The following TNRC6B variants were observed in gnomAD, a reference collection of about 807,000 sequenced individuals.
TNRC6B encodes the protein trinucleotide repeat containing adaptor 6B, also known as trinucleotide repeat-containing gene 6B protein.
TNRC6B carries 52 observed loss-of-function variants against 203.6 expected under a neutral mutation model. That is an observed-to-expected ratio of 0.26 (90% CI 0.20 to 0.32). The LOEUF (loss-of-function observed/expected upper bound fraction) is 0.32, where lower values mean the gene tolerates loss of function less well. TNRC6B is among the 10% of genes least tolerant of loss of function. TNRC6B has a pLI of 1.00. For synonymous variants in TNRC6B, 838 were observed against 845.7 expected, an observed-to-expected ratio of 0.99 and a Z score of 0.16; for missense variants, 1,923 against 2,286.2, an observed-to-expected ratio of 0.84 and a Z score of 3.24.
intron 1 of TNRC6B, among the ~76,000 whole-genome samples, chr22:40,189,298 A>G (rs9611287): frequency 6.6e-6 from 1 of 152,156 alleles, no homozygotes; most frequent in African/African-American, 2.4e-5. Flanking sequence ...AGTGGGAAAC[A>G]CCTTTGTAGC....
At chr22:40,299,782 A>T (rs939743092) in intron 12 of TNRC6B, among the ~76,000 whole-genome samples, 1 of 152,188 alleles carries the variant, frequency 6.6e-6, no homozygotes, top group African/African-American at 2.4e-5. Flanking sequence ...TCAGTAGATG[A>T]GGGTGCAGGG....
chr22:40,281,318 C>A, intron 11 of TNRC6B, 29 bp downstream of exon 11: 1 of 1,518,724 alleles, frequency 6.6e-7, no homozygotes. Context: ...TTTATAACTG[C>A]TTGGCTATGG....
chr22:40,119,740 A>G (rs969553105), intron 2 of TNRC6B, among the ~76,000 whole-genome samples: 2 of 152,024 alleles, frequency 1.3e-5, no homozygotes, highest in Non-Finnish European at 2.9e-5. Flanking sequence ...CTTTTTTGTG[A>G]CTCTGTTAGC....
At chr22:40,170,732 TG>T (rs1239677284) in intron 4 of TNRC6B, among the ~76,000 whole-genome samples, 1 of 135,690 alleles carries the variant, frequency 7.4e-6, no homozygotes, top group Non-Finnish European at 1.6e-5. Context: ...CATATATAGG[TG>T]TATATATCTA....
chr22:40,214,413 T>C (rs1251628707), intron 1 of TNRC6B, among the ~76,000 whole-genome samples: 1 of 152,178 alleles, frequency 6.6e-6, no homozygotes, highest in Non-Finnish European at 1.5e-5. Flanking sequence ...GAAATCTGAA[T>C]AAGGTTGGTA....
intron 1 of TNRC6B, among the ~76,000 whole-genome samples, chr22:40,189,498 C>CAAAAAAAAAA (rs56029573): frequency 3.6e-5 from 4 of 112,280 alleles, no homozygotes; most frequent in African/African-American, 1.1e-4. Flanking sequence ...TTTGTCTGCC[C>CAAAAAAAAAA]AAAAAAAAAA....
intron 20 of TNRC6B, 92 bp downstream of exon 20, chr22:40,315,599 G>T: frequency 1.5e-6 from 2 of 1,364,128 alleles, no homozygotes; most frequent in Non-Finnish European, 2.0e-6. Context: ...GTCTTCCCAA[G>T]AGAGGAAGTC....
At chr22:40,282,885 G>A (rs1456083165) in intron 11 of TNRC6B, among the ~76,000 whole-genome samples, 1 of 152,104 alleles carries the variant, frequency 6.6e-6, no homozygotes, top group Non-Finnish European at 1.5e-5. Context: ...GAGTTAAACA[G>A]TATAGTTGAA....
At chr22:40,221,496 G>A (rs1476864576) in intron 1 of TNRC6B, among the ~76,000 whole-genome samples, 1 of 152,142 alleles carries the variant, frequency 6.6e-6, no homozygotes, top group African/African-American at 2.4e-5. Context: ...CTGGAGTGTG[G>A]TGGCACAATC....
intron 1 of TNRC6B, among the ~76,000 whole-genome samples, chr22:40,245,305 G>A (rs1192569930): frequency 1.3e-5 from 2 of 151,888 alleles, no homozygotes; most frequent in African/African-American, 4.8e-5. Context: ...TGACCAGGCT[G>A]GTCTCGAACT....
chr22:40,113,234 C>T (rs541489228), intron 1 of TNRC6B, among the ~76,000 whole-genome samples: 14 of 152,324 alleles, frequency 9.2e-5, no homozygotes, highest in Middle Eastern at 3.4e-3. Flanking sequence ...ACTTCCAAAG[C>T]GTTGAAGTGA....
chr22:40,057,535 C>T (rs939966055), intron 1 of TNRC6B, among the ~76,000 whole-genome samples: 12 of 152,064 alleles, frequency 7.9e-5, no homozygotes, highest in African/African-American at 1.9e-4. Context: ...TCAGGTGATC[C>T]GCAGCCTCCC....
intron 1 of TNRC6B, among the ~76,000 whole-genome samples, chr22:40,242,765 C>G (rs1267173395): frequency 6.6e-6 from 1 of 151,860 alleles, no homozygotes; most frequent in Non-Finnish European, 1.5e-5. Flanking sequence ...GTCCATCAGT[C>G]TCCTGTATGT....
intron 1 of TNRC6B, among the ~76,000 whole-genome samples, chr22:40,198,649 A>G (rs935983375): frequency 1.3e-5 from 2 of 152,132 alleles, no homozygotes; most frequent in Admixed American, 1.3e-4. Flanking sequence ...GTTGAAGAAC[A>G]TTACAGATAT....
intron 1 of TNRC6B, among the ~76,000 whole-genome samples, chr22:40,209,355 C>CA (rs2069528147): frequency 6.6e-6 from 1 of 152,164 alleles, no homozygotes; most frequent in African/African-American, 2.4e-5. Context: ...TCTGAACATG[C>CA]AGTCATCTGG....
At chr22:40,269,131 T>C (rs2070522732) in intron 5 of TNRC6B, among the ~76,000 whole-genome samples, 3 of 112,452 alleles carry the variant, frequency 2.7e-5, no homozygotes, top group South Asian at 3.5e-4. Context: ...TATTTCTTTT[T>C]TTTTTTTTTT....
chr22:40,049,635 G>A (rs558209693), intron 1 of TNRC6B, among the ~76,000 whole-genome samples: 15 of 152,140 alleles, frequency 9.9e-5, no homozygotes, highest in Non-Finnish European at 2.9e-5. Context: ...ATGGAGTCTC[G>A]CTCTGTCGCC....
intron 1 of TNRC6B, among the ~76,000 whole-genome samples, chr22:40,086,557 G>T (rs1330183112): frequency 6.6e-6 from 1 of 152,140 alleles, no homozygotes; most frequent in Non-Finnish European, 1.5e-5. Flanking sequence ...TCTTCAGGGA[G>T]CTCTCGTTCT....
chr22:40,108,998 T>G (rs1234803825), intron 1 of TNRC6B, among the ~76,000 whole-genome samples: 2 of 149,468 alleles, frequency 1.3e-5, no homozygotes, highest in Non-Finnish European at 3.0e-5. Flanking sequence ...GTGTTCTCAT[T>G]GTTCAGCTCC....
Sources: allele counts gnomAD v4.1 joint callset (sites outside exome capture counted in the v4.1 genomes callset), GRCh38; gene constraint gnomAD v4.1.1; transcripts MANE v1.5; gene names NCBI Gene and HGNC (gene_info 2026-07-23, HGNC 2026-07-21).